Variants in PAX8 observed in about 807,000 individuals in gnomAD.
PAX8 encodes the protein paired box protein Pax-8.
A neutral mutation model predicts 52.4 loss-of-function variants in PAX8; 15 were observed. That is an observed-to-expected ratio of 0.29 (90% CI 0.19 to 0.44). PAX8 has a LOEUF of 0.44. PAX8 is among the 20% of genes least tolerant of loss of function. The probability of loss-of-function intolerance (pLI) is 1.00; values close to 1 mark genes in which losing one functional copy is unlikely to be tolerated. For missense variants in PAX8, 554 were observed against 602.5 expected, an observed-to-expected ratio of 0.92 and a Z score of 0.84; for synonymous variants, 284 against 249.7, an observed-to-expected ratio of 1.14 and a Z score of -1.29.
chr2:113,252,709 G>A (rs547489903), intron 2 of PAX8, among the ~76,000 whole-genome samples: 6 of 152,276 alleles, frequency 3.9e-5, no homozygotes, highest in African/African-American at 9.6e-5. Context: ...GCAAAGCTGC[G>A]GCTTGTGTTT....
At chr2:113,247,285 T>C (rs1243658200) in intron 2 of PAX8, among the ~76,000 whole-genome samples, 1 of 152,184 alleles carries the variant, frequency 6.6e-6, no homozygotes, top group Non-Finnish European at 1.5e-5. Context: ...TACTGAGCCG[T>C]TTGACCTTGG....
At chr2:113,236,527 C>T (rs1292217800) in intron 8 of PAX8, 74 bp downstream of exon 8, 1 of 1,509,558 alleles carries the variant, frequency 6.6e-7, no homozygotes, top group African/African-American at 1.4e-5. Flanking sequence ...GGGCCCCACA[C>T]CTTCCGCCTG....
rs374956171 is a variant in PAX8, at chr2:113,227,268, C to T, written c.1088-12G>A. On this transcript the variant is annotated splice_polypyrimidine_tract_variant and intron_variant, in intron 9 of 11. Transcript: ENST00000429538. ...CACCATCTCTCGCCCTGGAAAAATA[C>T]AGCAAAGAGTCGTCAGTTGGACCAT... 6.3e-5 allele frequency: 101 copies of T among 1,600,314 alleles called. No homozygotes were observed. The African/African-American group carries it at 1.2e-3, about 19-fold the overall frequency.
At chr2:113,222,527 G>C (rs1190369022) in intron 10 of PAX8, among the ~76,000 whole-genome samples, 1 of 152,156 alleles carries the variant, frequency 6.6e-6, no homozygotes, top group Non-Finnish European at 1.5e-5. Context: ...AGTCACAGCA[G>C]ATGAAACGTC....
chr2:113,241,603 C>A lies in PAX8; in HGVS notation c.725G>T (p.Arg242Leu). ...GGCATAGGCCTCTGGGTAGTGCTGC[C>A]GCTCAAATGGGCACTCGAGCGGCTC... is the stretch of plus-strand genomic sequence containing the variant. ...HLEPLECPFE[R>L]QHYPEAYASP... Residue 242 changes from arginine to leucine, a missense_variant, in exon 7 of 12, where the codon CGG (arginine) becomes CTG (leucine). Transcript: ENST00000429538. 6.2e-7 allele frequency: 1 copy of A among 1,613,374 alleles called. No individual in the cohort carries two copies. The highest frequency in any genetic ancestry group is 8.5e-7 in the Non-Finnish European group (1 of 1,179,942).
At chr2:113,241,986 G>C (rs1207398560) in intron 6 of PAX8, 22 bp downstream of exon 6, 11 of 1,612,636 alleles carry the variant, frequency 6.8e-6, no homozygotes, top group Non-Finnish European at 9.3e-6. Context: ...ACCGCCCGCT[G>C]CCCTCCTGTC....
intron 2 of PAX8, among the ~76,000 whole-genome samples, chr2:113,263,619 G>T (rs915543117): frequency 6.6e-6 from 1 of 152,320 alleles, no homozygotes; most frequent in African/African-American, 2.4e-5. Flanking sequence ...TGCACAGCCA[G>T]TTAGGGGCAG....
At chr2:113,236,505 C>G (rs985381121) in intron 8 of PAX8, 96 bp downstream of exon 8, 3 of 1,407,406 alleles carry the variant, frequency 2.1e-6, no homozygotes, top group African/African-American at 1.4e-5. Flanking sequence ...CCCGCCTCTC[C>G]TCTCCAGGCC....
At chr2:113,245,655 C>T (rs1028659888) in intron 3 of PAX8, among the ~76,000 whole-genome samples, 1 of 152,170 alleles carries the variant, frequency 6.6e-6, no homozygotes, top group Non-Finnish European at 1.5e-5. Context: ...AGATCAACCG[C>T]CTGTGTCAGC....
Position 113,256,599 on chromosome 2 carries a change from A to AAT in PAX8, c.26-9682_26-9681dup, listed in dbSNP as rs1692268095. Among the ~76,000 whole-genome samples, 3 of 121,430 alleles carry AAT rather than the reference A, an allele frequency of 2.5e-5. No homozygotes were observed. The East Asian group carries it at 6.5e-4, about 26-fold the overall frequency. 79.7% of individuals were successfully genotyped at this position (121,430 alleles called of 152,430 possible). ...ATATATATACATATTCCATATATGGAATATATATGTGTGTGTGTATATATA... is the reference window on the plus strand; with the variant it reads ...ATATATATACATATTCCATATATGGAATATATATATGTGTGTGTGTATATATA... On this transcript the variant is annotated intron_variant, in intron 2 of 11. Transcript: ENST00000429538.
chr2:113,227,291 C>T, intron 9 of PAX8, 35 bp from the exon 10 acceptor site: 1 of 1,513,878 alleles, frequency 6.6e-7, no homozygotes, highest in South Asian at 1.2e-5. Context: ...TCAGTTGGAC[C>T]ATGGGGGCTC....
At chr2:113,273,109 A>G (rs966304014) in intron 2 of PAX8, 2 of 152,280 alleles carry the variant, frequency 1.3e-5, no homozygotes, top group African/African-American at 4.8e-5. Context: ...CACTTCTTGG[A>G]CTGATAAATA....
rs199939219 is a variant in PAX8 at position 113,235,472 on chromosome 2, A to G, written c.1009T>C (p.Ser337Pro). The G allele has an allele frequency of 6.2e-7, 1 of 1,613,258 alleles. No homozygotes were observed. Among genetic ancestry groups the G allele is most frequent in the Non-Finnish European group, 8.5e-7 (1 of 1,179,568 alleles). ...AAGGCATTGAAGGGCGGGACCCCGG[A>G]GCCGACTTGCTGCAGATCCAAAAAG... ...SAFLDLQQVG[S>P]GVPPFNAFPH... The change falls in exon 9 of 12, where the codon TCC becomes CCC. Residue 337 changes from serine (S) to proline (P), a missense_variant. This residue lies in a region of PAX8 where 445 missense variants were observed against 409.9 expected (regional missense o/e 1.09). Coordinates refer to ENST00000429538, the MANE Select transcript of PAX8 (RefSeq NM_003466.4).
At chr2:113,262,207 GA>G (rs138274488) in intron 2 of PAX8, among the ~76,000 whole-genome samples, 5,952 of 152,170 alleles carry the variant, frequency 0.039, 220 homozygotes, top group South Asian at 0.14. Flanking sequence ...GTAGAGAGGT[GA>G]TTTTGCTATG....
chr2:113,236,560 C>T (rs1441665541), intron 8 of PAX8, 41 bp downstream of exon 8: 1 of 1,542,906 alleles, frequency 6.5e-7, no homozygotes, highest in Admixed American at 2.0e-5. Context: ...GCTCTTCAGT[C>T]CCCCGCCCTC....
In PAX8 at chr2:113,246,891, C is replaced by T. The variant is rs993072212; in HGVS notation, c.54G>A (p.Gly18=). ...SGHGGLNQLG[G]AFVNGRPLPE... is the part of the protein sequence containing the mutation. ...GCAGAGGTCTGCCATTCACAAAGGC[C>T]CCTCCCAGCTGGTTCAGCCCTCCAT... Residue 18 remains glycine, a synonymous_variant, in exon 3 of 12, where the codon GGG becomes GGA. Coordinates refer to ENST00000429538, the MANE Select transcript of PAX8 (RefSeq NM_003466.4). 1.1e-5 allele frequency: 17 copies of T among 1,614,082 alleles called. No homozygotes were observed. The highest frequency in any genetic ancestry group is 1.4e-5 in the Non-Finnish European group (16 of 1,179,948).
intron 2 of PAX8, among the ~76,000 whole-genome samples, chr2:113,277,595 C>T (rs1022771055): frequency 2.6e-5 from 4 of 152,344 alleles, no homozygotes; most frequent in Non-Finnish European, 4.4e-5. Context: ...TGTCCGCACT[C>T]GCTGCGCGCC....
At chr2:113,247,001 G>T in intron 2 of PAX8, 82 bp from the exon 3 acceptor site, 3 of 937,680 alleles carry the variant, frequency 3.2e-6, no homozygotes, top group Non-Finnish European at 4.8e-6. Context: ...ACAGGTGCTG[G>T]TGTGTGTGTG....
intron 9 of PAX8, among the ~76,000 whole-genome samples, chr2:113,234,428 A>ACCTTCTCCTCCCTGGGCCAGGTT (rs1464731888): frequency 1.3e-5 from 2 of 152,186 alleles, no homozygotes; most frequent in East Asian, 3.8e-4. Context: ...CTTGGCAGGG[A>ACCTTCTCCTCCCTGGGCCAGGTT]CCTTCTCCTC....
Sources: gnomAD v4.1 joint callset for allele counts (sites outside exome capture counted in the v4.1 genomes callset) on GRCh38, gnomAD v4.1.1 for gene constraint, gnomAD v4.1.1 regional missense constraint, MANE v1.5 for transcripts, NCBI Gene and HGNC (gene_info 2026-07-23, HGNC 2026-07-21) for gene names.